PEAK1: variants seen among roughly 807,000 people sequenced by gnomAD.
PEAK1 encodes inactive tyrosine-protein kinase PEAK1.
In PEAK1, 54 loss-of-function variants were observed where a neutral mutation model predicts 124.7. The observed-to-expected ratio is 0.43, with a 90% confidence interval of 0.35 to 0.54. The LOEUF (loss-of-function observed/expected upper bound fraction) is 0.54. Among genes scored for constraint, PEAK1 ranks in the 20% least tolerant of loss-of-function variants. The pLI is 0.01. For missense variants in PEAK1, 2,046 were observed against 2,134.5 expected, an observed-to-expected ratio of 0.96 and a Z score of 0.82; for synonymous variants, 719 against 760.0, an observed-to-expected ratio of 0.95 and a Z score of 0.89.
intron 6 of PEAK1, among the ~76,000 whole-genome samples, chr15:77,247,481 TTTTC>T (rs1231656817): frequency 4.3e-5 from 4 of 92,300 alleles, no homozygotes; most frequent in Admixed American, 1.6e-4. Flanking sequence ...TTTTCTTTTC[TTTTC>T]TTTTTTTTTT....
intron 2 of PEAK1, among the ~76,000 whole-genome samples, chr15:77,360,987 G>C (rs1381062400): frequency 7.9e-5 from 12 of 151,966 alleles, no homozygotes; most frequent in African/African-American, 2.4e-4. Context: ...GATAAGACCT[G>C]AAAAGCGCAG....
intron 2 of PEAK1, among the ~76,000 whole-genome samples, chr15:77,363,535 C>T (rs1378401401): frequency 6.6e-6 from 1 of 152,138 alleles, no homozygotes; most frequent in Non-Finnish European, 1.5e-5. Flanking sequence ...GAACCTTTTG[C>T]TGGGGGCTCC....
intron 8 of PEAK1, among the ~76,000 whole-genome samples, chr15:77,138,939 T>A (rs2053558733): frequency 6.6e-6 from 1 of 152,204 alleles, no homozygotes; most frequent in Admixed American, 6.5e-5. Flanking sequence ...ACTTTTTTTT[T>A]TATAAACTTT....
In PEAK1 at chr15:77,308,837, G is replaced by C. The variant is rs955050225; in HGVS notation, c.-602-22333C>G. Among the ~76,000 whole-genome samples the C allele has an allele frequency of 3.9e-5, 6 of 152,130 alleles. No homozygotes were observed. The East Asian group carries it at 1.2e-3, about 29-fold the overall frequency. ...TACAATGAGGGAGAAGAAAAAACAA[G>C]CTAAATTATTGAGATGCTGTGGATA... On this transcript the variant is annotated intron_variant, in intron 2 of 9. Coordinates refer to ENST00000682557, the MANE Select transcript of PEAK1 (RefSeq NM_001385026.1).
At chr15:77,410,599 G>GT (rs2072328727) in intron 1 of PEAK1, among the ~76,000 whole-genome samples, 1 of 152,144 alleles carries the variant, frequency 6.6e-6, no homozygotes, top group Non-Finnish European at 1.5e-5. Context: ...TTTTATAAGG[G>GT]TAAAGTACCT....
chr15:77,148,186 A>G (rs752834067), intron 8 of PEAK1, among the ~76,000 whole-genome samples: 11 of 152,224 alleles, frequency 7.2e-5, no homozygotes, highest in African/African-American at 1.9e-4. Context: ...GAATGGTTCA[A>G]TCACAACTCC....
chr15:77,360,155 A>T (rs969762884), intron 2 of PEAK1, among the ~76,000 whole-genome samples: 3 of 152,204 alleles, frequency 2.0e-5, no homozygotes, highest in African/African-American at 7.2e-5. Context: ...TGCCAAGATA[A>T]TCCGATAGTC....
intron 6 of PEAK1, among the ~76,000 whole-genome samples, chr15:77,237,065 A>G (rs1047071807): frequency 1.3e-5 from 2 of 152,178 alleles, no homozygotes; most frequent in African/African-American, 4.8e-5. Flanking sequence ...GCTAGAAAAT[A>G]ATTTTTTTTA....
intron 6 of PEAK1, among the ~76,000 whole-genome samples, chr15:77,223,886 ATTTTTT>A (rs10719377): frequency 1.2e-4 from 15 of 121,608 alleles, no homozygotes; most frequent in African/African-American, 4.2e-4. Flanking sequence ...CATTTGAGAG[ATTTTTT>A]TTTTTTTTTT....
At chr15:77,230,067 T>G (rs1236358788) in intron 6 of PEAK1, among the ~76,000 whole-genome samples, 2 of 152,142 alleles carry the variant, frequency 1.3e-5, no homozygotes, top group Non-Finnish European at 2.9e-5. Flanking sequence ...AGAGATAATT[T>G]CAAGTGAGGG....
At chr15:77,402,787 T>C (rs771520548) in intron 1 of PEAK1, 3 of 985,432 alleles carry the variant, frequency 3.0e-6, no homozygotes, top group Non-Finnish European at 3.6e-6. Context: ...TATATGAATC[T>C]TGCTTACTTC....
intron 9 of PEAK1, among the ~76,000 whole-genome samples, chr15:77,117,945 T>C (rs2051544174): frequency 1.3e-5 from 2 of 152,240 alleles, no homozygotes; most frequent in Admixed American, 6.5e-5. Context: ...TAGACAAGAA[T>C]GTGGATACTA....
chr15:77,205,952 A>G (rs1341682342), intron 6 of PEAK1, among the ~76,000 whole-genome samples: 1 of 135,418 alleles, frequency 7.4e-6, no homozygotes. Flanking sequence ...CATTAGGTAT[A>G]TCTCCCAATG....
chr15:77,153,790 C>T (rs1458861638), intron 8 of PEAK1, among the ~76,000 whole-genome samples: 8 of 152,188 alleles, frequency 5.3e-5, no homozygotes, highest in Admixed American at 2.6e-4. Context: ...TGCAGTTGAG[C>T]GGTTTTGAGT....
chr15:77,389,577 A>T lies in PEAK1; in HGVS notation c.-665-24352T>A, dbSNP rs117920364. Among the ~76,000 whole-genome samples, 25 of 152,320 alleles carry T rather than the reference A, an allele frequency of 1.6e-4. No homozygotes were observed. In the East Asian group the frequency reaches 4.8e-3, roughly 29 times the overall value. ...GTTATTATGAAAGTAATTATCTTAGAGGCCATTTCAGAACTTAGCTACCAA... is the reference window on the plus strand; with the variant it reads ...GTTATTATGAAAGTAATTATCTTAGTGGCCATTTCAGAACTTAGCTACCAA... On this transcript the variant is annotated intron_variant, in intron 1 of 9. Coordinates refer to ENST00000682557, the MANE Select transcript of PEAK1 (RefSeq NM_001385026.1).
intron 9 of PEAK1, among the ~76,000 whole-genome samples, chr15:77,116,701 A>ATCTATCT (rs2051404880): frequency 5.5e-5 from 8 of 145,752 alleles, no homozygotes; most frequent in African/African-American, 1.8e-4. Context: ...GAAATCAATC[A>ATCTATCT]ATCTATCTAT....
intron 6 of PEAK1, among the ~76,000 whole-genome samples, chr15:77,220,945 C>A (rs2059361500): frequency 6.6e-6 from 1 of 151,708 alleles, no homozygotes; most frequent in Admixed American, 6.6e-5. Context: ...TTGCTAAAAA[C>A]AATGTATATA....
chr15:77,145,763 C>A (rs1452743241), intron 8 of PEAK1, among the ~76,000 whole-genome samples: 1 of 152,140 alleles, frequency 6.6e-6, no homozygotes, highest in Non-Finnish European at 1.5e-5. Context: ...CTCCTCCAGG[C>A]AAAGGCTTTC....
intron 6 of PEAK1, among the ~76,000 whole-genome samples, chr15:77,228,687 T>C (rs2059782528): frequency 6.6e-6 from 1 of 152,046 alleles, no homozygotes; most frequent in African/African-American, 2.4e-5. Context: ...TTTGGTGCTT[T>C]CCCCATTAAA....
Sources: allele counts gnomAD v4.1 joint callset (sites outside exome capture counted in the v4.1 genomes callset), GRCh38; gene constraint gnomAD v4.1.1; transcripts MANE v1.5; gene names NCBI Gene and HGNC (gene_info 2026-07-23, HGNC 2026-07-21).